GRSF1: variants seen among roughly 807,000 people sequenced by gnomAD.
GRSF1 encodes G-rich RNA sequence binding factor 1, also known as G-rich sequence factor 1.
A neutral mutation model predicts 51.1 loss-of-function variants in GRSF1; 50 were observed. The observed-to-expected ratio is 0.98, with a 90% CI of 0.78 to 1.24. The LOEUF is 1.24. Among genes scored for constraint, GRSF1 ranks in the 50% most tolerant of loss-of-function variants. The pLI is 0.00. For synonymous variants in GRSF1, 293 were observed against 253.3 expected (o/e 1.16, Z -1.49); for missense variants, 700 against 639.7 (o/e 1.09, Z -1.02).
At chr4:70,835,262 T>C (rs1734152778) in intron 2 of GRSF1, among the ~76,000 whole-genome samples, 1 of 150,574 alleles carries the variant, frequency 6.6e-6, no homozygotes, top group African/African-American at 2.4e-5. Flanking sequence ...GCTAACACGG[T>C]GAAACCCCAG....
At chr4:70,827,744 A>G in intron 6 of GRSF1, 108 bp downstream of exon 6, 2 of 749,586 alleles carry the variant, frequency 2.7e-6, no homozygotes, top group South Asian at 3.5e-5. Flanking sequence ...GCACCACTGC[A>G]CTCCAGCCTG....
chr4:70,827,790 AT>A, intron 6 of GRSF1, 61 bp downstream of exon 6: 1 of 1,277,176 alleles, frequency 7.8e-7, no homozygotes, highest in East Asian at 2.3e-5. Context: ...AAAAAAAAAA[AT>A]CACAAAACCC....
intron 1 of GRSF1, chr4:70,838,926 T>C (rs1350953984): frequency 1.5e-5 from 5 of 340,686 alleles, no homozygotes; most frequent in Non-Finnish European, 2.8e-5. Flanking sequence ...AGCTCGTCTT[T>C]CCCTGGGGAC....
chr4:70,841,949 T>A (rs376976641), upstream of GRSF1, among the ~76,000 whole-genome samples: 6 of 152,120 alleles, frequency 3.9e-5, no homozygotes, highest in East Asian at 7.7e-4. Context: ...GATGCCTCAG[T>A]GTTAAAATGA....
Position 70,826,261 on chromosome 4 carries a change from G to GA in GRSF1, c.1136-17dup, listed in dbSNP as rs762437772. 1 of 1,588,876 alleles carries GA rather than the reference G, an allele frequency of 6.3e-7. No homozygotes were observed. The highest frequency in any genetic ancestry group is 1.4e-5 in the African/African-American group (1 of 73,260). Reference sequence around the variant, plus strand: ...TTAGGCAATTCTGAGAGGTGGAACAGAAAGCACTGTTAAAACATAACAGCT... The same window carrying GA: ...TTAGGCAATTCTGAGAGGTGGAACAGAAAAGCACTGTTAAAACATAACAGCT... On this transcript the variant is annotated splice_polypyrimidine_tract_variant and intron_variant, in intron 6 of 9. Coordinates refer to ENST00000254799, the MANE Select transcript of GRSF1 (RefSeq NM_002092.4).
intron 9 of GRSF1, among the ~76,000 whole-genome samples, chr4:70,822,182 T>C (rs946266001): frequency 6.6e-5 from 10 of 151,452 alleles, no homozygotes; most frequent in African/African-American, 2.4e-4. Flanking sequence ...ATGTACTTCC[T>C]AAGGCAAAAA....
At position 70,839,285 on chromosome 4, in the gene GRSF1, C is replaced by T. The variant is rs940786470; in HGVS notation, c.357+186G>A. On this transcript the variant is annotated intron_variant, in intron 1 of 9. Transcript: ENST00000254799. The stretch of plus-strand genomic sequence containing the variant: ...ACAAAACAAGCAGAAGACCCGACGC[C>T]TGGGAGAGCTTCCCTTGTTCCAGGG... 29 of 1,497,114 alleles carry T rather than the reference C, an allele frequency of 1.9e-5. No individual in the cohort carries two copies. In the African/African-American group the frequency reaches 3.9e-4, roughly 20 times the overall value. The allele number at this position is 1,497,114 out of a possible 1,614,324, so 92.7% of individuals were successfully genotyped here. A position where few individuals can be genotyped will look rare whatever the true frequency, so the allele number is the denominator to read the frequency against.
upstream of GRSF1, among the ~76,000 whole-genome samples, chr4:70,841,087 A>G (rs1468374773): frequency 2.0e-5 from 3 of 151,942 alleles, no homozygotes; most frequent in East Asian, 3.9e-4. Flanking sequence ...CTGGAGCCCA[A>G]GAGTTCCAGA....
chr4:70,839,817 G>T lies in GRSF1; in HGVS notation c.11C>A (p.Thr4Lys), dbSNP rs1032312621. The change falls in exon 1 of 10, where the codon ACG becomes AAG. Residue 4 changes from threonine to lysine, a missense_variant. By Grantham distance (78) the Thr-to-Lys change is moderately conservative. Coordinates refer to ENST00000254799, the MANE Select transcript of GRSF1 (RefSeq NM_002092.4). MAGTRWVLGALLRG... is the reference protein window; with the variant it reads MAGKRWVLGALLRG... The stretch of plus-strand genomic sequence containing the variant: ...GAGCAGCGCCCCGAGTACCCAGCGC[G>T]TGCCGGCCATGGACTCCGGAGGCGG... The T allele has an allele frequency of 6.7e-7, 1 of 1,498,592 alleles. No homozygotes were observed. Among genetic ancestry groups the T allele is most frequent in the Non-Finnish European group, 8.8e-7 (1 of 1,131,426 alleles). The allele number at this position is 1,498,592 out of a possible 1,614,324, so 92.8% of individuals were successfully genotyped here. A position where few individuals can be genotyped will look rare whatever the true frequency, so the allele number is the denominator to read the frequency against.
chr4:70,830,543 G>C (rs146359371), intron 5 of GRSF1, among the ~76,000 whole-genome samples: 1 of 151,952 alleles, frequency 6.6e-6, no homozygotes, highest in East Asian at 1.9e-4. Flanking sequence ...TTTTTGTCCG[G>C]TGTGCTGGCT....
intron 2 of GRSF1, among the ~76,000 whole-genome samples, chr4:70,834,281 CAT>C (rs1055384478): frequency 3.4e-4 from 51 of 151,598 alleles, no homozygotes; most frequent in Admixed American, 3.2e-3. Flanking sequence ...AAAAATAAAT[CAT>C]AGTCAGATAC....
At chr4:70,838,255 T>C (rs1465361958) in intron 1 of GRSF1, among the ~76,000 whole-genome samples, 2 of 150,538 alleles carry the variant, frequency 1.3e-5, no homozygotes, top group Non-Finnish European at 2.9e-5. Context: ...ATGTTTAGTT[T>C]TAAGGAATAA....
chr4:70,833,317 T>C, intron 2 of GRSF1, 44 bp from the exon 3 acceptor site: 1 of 1,558,454 alleles, frequency 6.4e-7, no homozygotes. Context: ...GAAATCAAAC[T>C]TTTAGCTCAA....
chr4:70,839,821 C>T lies in GRSF1; in HGVS notation c.7G>A (p.Gly3Ser), dbSNP rs1009128878. 1.3e-6 allele frequency: 2 copies of T among 1,495,384 alleles called. No individual in the cohort carries two copies. Among genetic ancestry groups the T allele is most frequent in the South Asian group, 2.5e-5 (2 of 81,188 alleles). 92.6% of individuals were successfully genotyped at this position (1,495,384 alleles called of 1,614,324 possible). Residue 3 changes from glycine (G) to serine (S), a missense_variant, in exon 1 of 10, where the codon GGC becomes AGC. Coordinates refer to ENST00000254799, the MANE Select transcript of GRSF1 (RefSeq NM_002092.4). MA[G>S]TRWVLGALLR... ...AGCGCCCCGAGTACCCAGCGCGTGC[C>T]GGCCATGGACTCCGGAGGCGGCGCA...
intron 9 of GRSF1, among the ~76,000 whole-genome samples, chr4:70,822,124 T>C (rs969034593): frequency 6.6e-6 from 1 of 151,638 alleles, no homozygotes; most frequent in Non-Finnish European, 1.5e-5. Flanking sequence ...GCAAGGAACA[T>C]CAAGATGTAT....
Position 70,831,679 on chromosome 4 carries a change from G to A in GRSF1, c.815-5C>T, listed in dbSNP as rs117578483. 728 of 1,602,762 alleles carry A rather than the reference G, an allele frequency of 4.5e-4. 1 individual carries two copies. In the East Asian group the frequency reaches 6.2e-3, roughly 14 times the overall value. ...TAATGTCAACTATATTCAGTCCTAG[G>A]ACACCAAGAGATTTTAATGCTACTA... On this transcript the variant is annotated splice_region_variant and splice_polypyrimidine_tract_variant and intron_variant, in intron 4 of 9. Coordinates refer to ENST00000254799, the MANE Select transcript of GRSF1 (RefSeq NM_002092.4).
rs1733337312 is a variant in GRSF1 at position 70,816,969 on chromosome 4, A to C, written c.*3918T>G. The C allele has an allele frequency of 6.6e-6, 1 of 152,140 alleles. No individual in the cohort carries two copies. Among genetic ancestry groups the C allele is most frequent in the South Asian group, 2.1e-4 (1 of 4,824 alleles). 9.4% of individuals were successfully genotyped at this position (152,140 alleles called of 1,614,324 possible). ...GGTGTTTAGGTGGGAGAAAAGCCAA[A>C]ATACAAAATAGCATGTACAGTATAA... On this transcript the variant is annotated 3_prime_UTR_variant, in exon 10 of 10. Coordinates refer to ENST00000254799, the MANE Select transcript of GRSF1 (RefSeq NM_002092.4).
At chr4:70,826,276 A>G in intron 6 of GRSF1, 31 bp from the exon 7 acceptor site, 1 of 1,566,624 alleles carries the variant, frequency 6.4e-7, no homozygotes, top group Non-Finnish European at 8.6e-7. Context: ...CACTGTTAAA[A>G]CATAACAGCT....
At position 70,834,662 on chromosome 4, in the gene GRSF1, C is replaced by T. The variant is rs551649479; in HGVS notation, c.515-1389G>A. On this transcript the variant is annotated intron_variant, in intron 2 of 9. Transcript: ENST00000254799. ...TTTGAGACAGAGTCTCTCTCTGTCACCACGGCTGGAGTACAGTGGTGTGAA... is the reference window on the plus strand; with the variant it reads ...TTTGAGACAGAGTCTCTCTCTGTCATCACGGCTGGAGTACAGTGGTGTGAA... Among the ~76,000 whole-genome samples the T allele has an allele frequency of 1.1e-4, 16 of 152,286 alleles. No individual in the cohort carries two copies. The South Asian group carries it at 1.9e-3, about 18-fold the overall frequency.
Sources: gnomAD v4.1 joint callset for allele counts (sites outside exome capture counted in the v4.1 genomes callset) on GRCh38, gnomAD v4.1.1 for gene constraint, MANE v1.5 for transcripts, NCBI Gene and HGNC (gene_info 2026-07-23, HGNC 2026-07-21) for gene names.